PARD3B: variants seen among roughly 807,000 people sequenced by gnomAD.
PARD3B encodes the protein par-3 family cell polarity regulator beta.
Under a neutral mutation model 130.2 loss-of-function variants are expected in PARD3B, and 103 were observed. That is an observed-to-expected ratio of 0.79 (90% CI 0.67 to 0.93). The LOEUF (loss-of-function observed/expected upper bound fraction) is 0.93, where lower values mean the gene tolerates loss of function less well. PARD3B is among the 40% of genes least tolerant of loss of function. The pLI is 0.00. For synonymous variants in PARD3B, 583 were observed against 553.2 expected, an observed-to-expected ratio of 1.05 and a Z score of -0.76; for missense variants, 1,609 against 1,499.2, an observed-to-expected ratio of 1.07 and a Z score of -1.21.
intron 1 of PARD3B, among the ~76,000 whole-genome samples, chr2:204,556,947 ACTT>A (rs769692931): frequency 3.3e-5 from 5 of 151,732 alleles, no homozygotes; most frequent in Non-Finnish European, 7.4e-5. Context: ...GTTACCTTTT[ACTT>A]CTTGTTTTTG....
chr2:204,834,534 C>G lies in PARD3B; in HGVS notation c.223-130618C>G, dbSNP rs534516611. On this transcript the variant is annotated intron_variant, in intron 2 of 22. Coordinates refer to ENST00000406610, the MANE Select transcript of PARD3B (RefSeq NM_001302769.2). ...TAGTATTATGTATTTCTGGGCATTA[C>G]AAAAATATAAGCAGAAATATATTTT... 2.6e-5 allele frequency among the ~76,000 whole-genome samples: 4 copies of G among 152,132 alleles called. No homozygotes were observed. In the East Asian group the frequency reaches 7.7e-4, roughly 29 times the overall value.
intron 22 of PARD3B, among the ~76,000 whole-genome samples, chr2:205,611,122 A>G (rs2055213564): frequency 6.6e-6 from 1 of 152,226 alleles, no homozygotes; most frequent in African/African-American, 2.4e-5. Flanking sequence ...TGAGGTGAGA[A>G]TGACCAGCTG....
intron 10 of PARD3B, among the ~76,000 whole-genome samples, chr2:205,130,030 G>T (rs928963596): frequency 6.6e-6 from 1 of 152,178 alleles, no homozygotes; most frequent in Non-Finnish European, 1.5e-5. Context: ...AAAATCAAGT[G>T]AGAGGAATTT....
intron 19 of PARD3B, among the ~76,000 whole-genome samples, chr2:205,431,002 A>G (rs893987836): frequency 2.0e-5 from 3 of 152,238 alleles, no homozygotes; most frequent in Non-Finnish European, 4.4e-5. Flanking sequence ...GGAAGTATGT[A>G]GGGGGATTTA....
Position 205,463,514 on chromosome 2 carries a change from T to C in PARD3B, c.3044+22842T>C, listed in dbSNP as rs1244758979. ...CATATGGTTAATTAAGAAGCCAAAA[T>C]TGGCTATAAGCTCAGTGAGCTCTGA... On this transcript the variant is annotated intron_variant, in intron 20 of 22. Coordinates refer to ENST00000406610, the MANE Select transcript of PARD3B (RefSeq NM_001302769.2). This position sits in a 1 kb window ranked among gnomAD's most constrained non-coding sequence, Gnocchi z 4.8. 6.6e-6 allele frequency among the ~76,000 whole-genome samples: 1 copy of C among 151,844 alleles called. No homozygotes were observed. Among genetic ancestry groups the C allele is most frequent in the Non-Finnish European group, 1.5e-5 (1 of 67,998 alleles).
intron 1 of PARD3B, among the ~76,000 whole-genome samples, chr2:204,595,315 T>A (rs1383701581): frequency 1.3e-5 from 2 of 152,230 alleles, no homozygotes; most frequent in Non-Finnish European, 2.9e-5. Flanking sequence ...CCATTGACAG[T>A]GGACCTCATG....
In PARD3B at chr2:204,622,581, C is replaced by G. The variant is rs112858265; in HGVS notation, c.121-63600C>G. ...CTATAATATTAATTCATTTTATAAT[C>G]TTTATTTATAGAATTATATTTATAT... On this transcript the variant is annotated intron_variant, in intron 1 of 22. Transcript: ENST00000406610. Among the ~76,000 whole-genome samples the G allele has an allele frequency of 9.6e-3, 1,452 of 151,680 alleles. 25 individuals are homozygous for G. Among genetic ancestry groups the G allele is most frequent in the African/African-American group, 0.034 (1,387 of 41,396 alleles).
chr2:205,385,929 G>A (rs1053422811), intron 18 of PARD3B, among the ~76,000 whole-genome samples: 1 of 152,068 alleles, frequency 6.6e-6, no homozygotes, highest in Admixed American at 6.6e-5. Context: ...TAAAAAACAT[G>A]AGCCAATATT....
chr2:204,686,125 G>A, intron 1 of PARD3B, 56 bp from the exon 2 acceptor site: 2 of 1,202,460 alleles, frequency 1.7e-6, no homozygotes, highest in South Asian at 2.6e-5. Flanking sequence ...ACATTAAAAT[G>A]TGTTTAACTT....
At chr2:204,829,923 C>T (rs535748497) in intron 2 of PARD3B, among the ~76,000 whole-genome samples, 29 of 143,042 alleles carry the variant, frequency 2.0e-4, no homozygotes, top group Middle Eastern at 3.9e-3. Context: ...GGCGTGAACC[C>T]GGGAGGCGGA....
chr2:204,732,428 T>C (rs1439658532), intron 2 of PARD3B, among the ~76,000 whole-genome samples: 2 of 152,138 alleles, frequency 1.3e-5, no homozygotes, highest in Non-Finnish European at 1.5e-5. Flanking sequence ...AAACCACTGA[T>C]AGAACATTAA....
At chr2:204,897,383 C>CTT (rs1377647115) in intron 2 of PARD3B, among the ~76,000 whole-genome samples, 1 of 37,514 alleles carries the variant, frequency 2.7e-5, no homozygotes, top group South Asian at 7.6e-4. Context: ...CCTGTAGGTA[C>CTT]TGTTTTTTTT....
At chr2:204,948,902 T>G (rs1434704682) in intron 2 of PARD3B, among the ~76,000 whole-genome samples, 1 of 152,188 alleles carries the variant, frequency 6.6e-6, no homozygotes, top group African/African-American at 2.4e-5. Context: ...TTTTTTTTCC[T>G]ATACAAACAA....
chr2:204,662,710 A>G (rs2035864801), intron 1 of PARD3B, among the ~76,000 whole-genome samples: 1 of 152,170 alleles, frequency 6.6e-6, no homozygotes, highest in South Asian at 2.1e-4. Context: ...TATGTTTTGA[A>G]CTGGTACTGG....
intron 19 of PARD3B, among the ~76,000 whole-genome samples, chr2:205,414,126 A>G (rs1183825572): frequency 6.6e-6 from 1 of 152,202 alleles, no homozygotes; most frequent in Non-Finnish European, 1.5e-5. Context: ...GGCAACAGCC[A>G]TTTGTGATGT....
chr2:204,894,426 T>C (rs1051233827), intron 2 of PARD3B, among the ~76,000 whole-genome samples: 1 of 151,772 alleles, frequency 6.6e-6, no homozygotes, highest in East Asian at 1.9e-4. Context: ...AAAGATATTA[T>C]AGTGACAGGC....
intron 2 of PARD3B, among the ~76,000 whole-genome samples, chr2:204,807,175 C>T (rs1243822436): frequency 6.6e-6 from 1 of 152,134 alleles, no homozygotes; most frequent in African/African-American, 2.4e-5. Context: ...GATTCAATTA[C>T]CTCTACCAGA....
intron 20 of PARD3B, among the ~76,000 whole-genome samples, chr2:205,496,097 G>A (rs1408927470): frequency 6.6e-6 from 1 of 152,094 alleles, no homozygotes; most frequent in Non-Finnish European, 1.5e-5. Context: ...AGATATATTT[G>A]CTATATAAGT....
intron 20 of PARD3B, among the ~76,000 whole-genome samples, chr2:205,483,829 G>T (rs2049334363): frequency 6.6e-6 from 1 of 151,918 alleles, no homozygotes; most frequent in Non-Finnish European, 1.5e-5. Context: ...TTGGAAGGGG[G>T]GAAGCTTCTA....
Sources: gnomAD v4.1 joint callset for allele counts (sites outside exome capture counted in the v4.1 genomes callset) on GRCh38, gnomAD v4.1.1 for gene constraint, Gnocchi (gnomAD v3.1) non-coding constraint, MANE v1.5 for transcripts, NCBI Gene and HGNC (gene_info 2026-07-23, HGNC 2026-07-21) for gene names.